The following COL4A3 variants were observed in gnomAD, a reference collection of about 807,000 sequenced individuals.
COL4A3 encodes the protein collagen alpha-3(IV) chain.
A neutral mutation model predicts 217.4 loss-of-function variants in COL4A3; 135 were observed. The observed-to-expected ratio is 0.62, with a 90% CI of 0.54 to 0.72. The LOEUF is 0.72. Ranked by LOEUF, COL4A3 falls within the 30% of genes least tolerant of loss-of-function variation. The pLI is 0.00. For synonymous variants in COL4A3, 690 were observed against 736.3 expected (o/e 0.94, Z 1.02); for missense variants, 1,868 against 2,119.9 (o/e 0.88, Z 2.33).
chr2:227,248,556 G>A (rs2069497373), intron 9 of COL4A3, 36 bp downstream of exon 9: 4 of 1,391,988 alleles, frequency 2.9e-6, no homozygotes, highest in Middle Eastern at 1.8e-4. Context: ...ATTATTCTCA[G>A]TTTTTCACTC....
intron 20 of COL4A3, 89 bp downstream of exon 20, chr2:227,261,206 GAC>G: frequency 8.7e-7 from 1 of 1,155,368 alleles, no homozygotes; most frequent in Non-Finnish European, 1.3e-6. Context: ...ATTTACATAA[GAC>G]AAATGTTTCA....
At chr2:227,245,122 G>A in intron 5 of COL4A3, 127 bp downstream of exon 5, 1 of 869,854 alleles carries the variant, frequency 1.1e-6, no homozygotes, top group Non-Finnish European at 1.9e-6. Context: ...TAGCACCTTA[G>A]GATGGTATAT....
intron 23 of COL4A3, 29 bp downstream of exon 23, chr2:227,267,117 T>G (rs752992377): frequency 6.5e-7 from 1 of 1,536,396 alleles, no homozygotes; most frequent in Non-Finnish European, 9.0e-7. Flanking sequence ...CAAGTGTTTT[T>G]GCAAGCACAA....
intron 18 of COL4A3, among the ~76,000 whole-genome samples, chr2:227,258,303 G>T (rs889789693): frequency 3.1e-4 from 47 of 152,198 alleles, no homozygotes; most frequent in Admixed American, 3.0e-3. Context: ...TGGCAAAAGG[G>T]TCATGAGGGG....
chr2:227,266,162 T>C (rs952474828), intron 21 of COL4A3, among the ~76,000 whole-genome samples: 1 of 151,256 alleles, frequency 6.6e-6, no homozygotes, highest in African/African-American at 2.4e-5. Flanking sequence ...TAAGATAAAA[T>C]AGGTTGATTC....
chr2:227,266,261 G>T (rs2070883476), intron 21 of COL4A3, among the ~76,000 whole-genome samples, 156 bp from the exon 22 acceptor site: 1 of 152,060 alleles, frequency 6.6e-6, no homozygotes, highest in Non-Finnish European at 1.5e-5. Context: ...GGGAAGAGCT[G>T]GTCACCATGC....
At chr2:227,196,185 A>G (rs2066469455) in intron 1 of COL4A3, among the ~76,000 whole-genome samples, 1 of 152,184 alleles carries the variant, frequency 6.6e-6, no homozygotes, top group African/African-American at 2.4e-5. Context: ...GTGTATATAA[A>G]GTCTACAGGA....
At chr2:227,200,173 T>C (rs2066630012) in intron 1 of COL4A3, among the ~76,000 whole-genome samples, 1 of 147,002 alleles carries the variant, frequency 6.8e-6, no homozygotes, top group Non-Finnish European at 1.5e-5. Flanking sequence ...TCGATGTAGA[T>C]GGAAAAGAAC....
chr2:227,201,479 A>G (rs1213191786), intron 1 of COL4A3, among the ~76,000 whole-genome samples: 1 of 152,224 alleles, frequency 6.6e-6, no homozygotes, highest in Non-Finnish European at 1.5e-5. Context: ...AGGTCTGAAG[A>G]CGCAGAAAGA....
Position 227,240,163 on chromosome 2 carries a change from AC to A in COL4A3, c.171del (p.Gly58ValfsTer35). The A allele has an allele frequency of 6.2e-7, 1 of 1,609,786 alleles. No individual in the cohort carries two copies. Among genetic ancestry groups the A allele is most frequent in the Non-Finnish European group, 8.5e-7 (1 of 1,178,378 alleles). On this transcript the variant is annotated frameshift_variant, in exon 3 of 52. Transcript: ENST00000396578. LOFTEE classifies it high-confidence loss of function. ...AACAGGGGGAGAAGGGCTTTCCTGG[AC>A]CCCCCGGTTCTCCTGGCCAGAAAGG... ...GEKGEKGFPGPPGSPGQKGFT... is the reference protein window; with the variant it reads ...GEKGEKGFPGXPGSPGQKGFT...
chr2:227,270,835 G>A lies in COL4A3; in HGVS notation c.1641G>A (p.Glu547=), dbSNP rs1188587986. 1.2e-6 allele frequency: 2 copies of A among 1,614,202 alleles called. No individual in the cohort carries two copies. Among genetic ancestry groups the A allele is most frequent in the East Asian group, 2.2e-5 (1 of 44,884 alleles). Residue 547 remains glutamate, a synonymous_variant, in exon 25 of 52, where the codon GAG becomes GAA. Transcript: ENST00000396578. Reference sequence around the variant, plus strand: ...AAAAAGGTGAAACACTTCAGCCTGAGGGGCAAGTGGGTGTCCCAGGTGACC... The same window carrying A: ...AAAAAGGTGAAACACTTCAGCCTGAAGGGCAAGTGGGTGTCCCAGGTGACC... ...KGEKGETLQP[E]GQVGVPGDPG...
chr2:227,202,759 A>C (rs1193484247), intron 1 of COL4A3, among the ~76,000 whole-genome samples: 1 of 137,700 alleles, frequency 7.3e-6, no homozygotes, highest in Non-Finnish European at 1.6e-5. Context: ...ATATATATAT[A>C]TATATATATA....
intron 1 of COL4A3, among the ~76,000 whole-genome samples, chr2:227,203,021 A>C (rs1319997454): frequency 2.4e-5 from 2 of 82,942 alleles, no homozygotes; most frequent in Non-Finnish European, 4.6e-5. Context: ...ATATGTGTAT[A>C]TATGTGTATA....
rs2067698131 is a variant in COL4A3, at chr2:227,220,006, T to G, written c.88-17962T>G. Among the ~76,000 whole-genome samples the G allele has an allele frequency of 3.9e-5, 6 of 152,218 alleles. No homozygotes were observed. In the South Asian group the frequency reaches 8.3e-4, roughly 21 times the overall value. ...AGATTTCTTCACCTTCCCTGGGGCC[T>G]GCATTTTCTTGGTAGCTTTTCCTTC... On this transcript the variant is annotated intron_variant, in intron 1 of 51. Transcript: ENST00000396578.
At chr2:227,180,392 C>G (rs1248136074) in intron 1 of COL4A3, among the ~76,000 whole-genome samples, 4 of 152,100 alleles carry the variant, frequency 2.6e-5, no homozygotes, top group Admixed American at 2.0e-4. Context: ...GGGACTGTGC[C>G]CACGAAACCG....
intron 15 of COL4A3, among the ~76,000 whole-genome samples, chr2:227,255,411 G>C (rs1661661787): frequency 6.6e-6 from 1 of 152,122 alleles, no homozygotes; most frequent in Non-Finnish European, 1.5e-5. Flanking sequence ...ATCTCTAAAA[G>C]TTATACATTT....
At chr2:227,293,371 C>T (rs1356736755) in intron 38 of COL4A3, 54 bp downstream of exon 38, 5 of 1,583,630 alleles carry the variant, frequency 3.2e-6, no homozygotes, top group Non-Finnish European at 4.3e-6. Context: ...AGAGTATAGC[C>T]CTCCTGAAAT....
At chr2:227,309,760 C>CA (rs1307053649) in intron 50 of COL4A3, among the ~76,000 whole-genome samples, 1 of 152,068 alleles carries the variant, frequency 6.6e-6, no homozygotes, top group East Asian at 1.9e-4. Context: ...TGCTACCATG[C>CA]CCAGCTAATT....
chr2:227,189,000 C>A (rs1174064046), intron 1 of COL4A3, among the ~76,000 whole-genome samples: 1 of 152,094 alleles, frequency 6.6e-6, no homozygotes, highest in Non-Finnish European at 1.5e-5. Flanking sequence ...AAAATGATGT[C>A]CACACTGAGA....
Sources: allele counts gnomAD v4.1 joint callset (sites outside exome capture counted in the v4.1 genomes callset), GRCh38; gene constraint gnomAD v4.1.1; transcripts MANE v1.5; gene names NCBI Gene and HGNC (gene_info 2026-07-23, HGNC 2026-07-21).